NREP: variants seen among roughly 807,000 people sequenced by gnomAD.
NREP encodes neuronal regeneration-related protein.
NREP carries 5 observed loss-of-function variants against 8.6 expected under a neutral mutation model. The observed-to-expected ratio is 0.58, with a 90% CI of 0.30 to 1.22. NREP has a LOEUF of 1.22. Ranked by LOEUF, NREP falls within the 50% of genes most tolerant of loss-of-function variation. The pLI is 0.07. For missense variants in NREP, 86 were observed against 82.5 expected, an observed-to-expected ratio of 1.04 and a Z score of -0.17; for synonymous variants, 27 against 28.0, an observed-to-expected ratio of 0.96 and a Z score of 0.11.
At chr5:111,918,812 G>C (rs552941730) in intron 2 of NREP, among the ~76,000 whole-genome samples, 6 of 151,958 alleles carry the variant, frequency 3.9e-5, no homozygotes, top group Admixed American at 6.6e-5. Flanking sequence ...CAAAGACTTC[G>C]TGACTAAAAC....
intron 2 of NREP, among the ~76,000 whole-genome samples, chr5:111,825,873 G>C (rs1752610911): frequency 6.6e-6 from 1 of 151,990 alleles, no homozygotes; most frequent in Admixed American, 6.6e-5. Flanking sequence ...CTCCCTCAGG[G>C]ACATCTGATG....
chr5:111,923,040 T>C (rs1229660154), intron 2 of NREP, among the ~76,000 whole-genome samples: 2 of 152,182 alleles, frequency 1.3e-5, no homozygotes, highest in Non-Finnish European at 2.9e-5. Context: ...GATAAAAGCC[T>C]ATTAATTTCC....
At chr5:111,790,347 C>CTT (rs57775701) in intron 2 of NREP, among the ~76,000 whole-genome samples, 10 of 59,638 alleles carry the variant, frequency 1.7e-4, no homozygotes, top group East Asian at 6.4e-4. Flanking sequence ...AAAACCTTAA[C>CTT]TTTTTTTTTT....
intron 3 of NREP, chr5:111,734,923 G>T: frequency 2.3e-6 from 1 of 436,492 alleles, no homozygotes; most frequent in South Asian, 6.0e-5. Flanking sequence ...TCTTGAGGCA[G>T]AGAACTGCCA....
chr5:111,757,111 G>A (rs1378433234), intron 1 of NREP, 25 bp downstream of exon 1: 1 of 729,680 alleles, frequency 1.4e-6, no homozygotes, highest in Non-Finnish European at 1.7e-6. Flanking sequence ...GCTCCCAGCC[G>A]GGGATAGGAA....
At chr5:111,788,912 C>T (rs547124475) in intron 2 of NREP, among the ~76,000 whole-genome samples, 17 of 152,302 alleles carry the variant, frequency 1.1e-4, no homozygotes, top group Admixed American at 9.8e-4. Flanking sequence ...AGCTGACCAT[C>T]CCCTGATTAA....
At chr5:111,967,858 G>GT (rs1756689856) in intron 2 of NREP, among the ~76,000 whole-genome samples, 1 of 152,008 alleles carries the variant, frequency 6.6e-6, no homozygotes, top group South Asian at 2.1e-4. Flanking sequence ...CCTCCTGGTT[G>GT]TTTTTTGCTG....
At position 111,863,908 on chromosome 5, in the gene NREP, A is replaced by C. The variant is rs570131882; in HGVS notation, c.135+111366T>G. 2.0e-5 allele frequency among the ~76,000 whole-genome samples: 3 copies of C among 152,226 alleles called. No homozygotes were observed. The East Asian group carries it at 5.8e-4, about 29-fold the overall frequency. ...TCCTCATACCTTGGCAATTAGATCCAACTGCAAGTGTTCCAAGATATATGG... is the reference window on the plus strand; with the variant it reads ...TCCTCATACCTTGGCAATTAGATCCCACTGCAAGTGTTCCAAGATATATGG... On this transcript the variant is annotated intron_variant, in intron 2 of 3. Transcript: ENST00000395634.
chr5:111,864,800 TAAA>T (rs1753629175), intron 2 of NREP, among the ~76,000 whole-genome samples: 1 of 152,122 alleles, frequency 6.6e-6, no homozygotes, highest in Non-Finnish European at 1.5e-5. Flanking sequence ...AAATTTAAAT[TAAA>T]AAAGGAAATT....
At chr5:111,750,564 T>C (rs547199313) in intron 2 of NREP, among the ~76,000 whole-genome samples, 1 of 152,344 alleles carries the variant, frequency 6.6e-6, no homozygotes, top group African/African-American at 2.4e-5. Flanking sequence ...GCTTAATTTC[T>C]ACCTTCTTAA....
intron 2 of NREP, among the ~76,000 whole-genome samples, chr5:111,952,792 GA>G (rs768042663): frequency 2.0e-5 from 3 of 152,100 alleles, no homozygotes; most frequent in Non-Finnish European, 4.4e-5. Context: ...AGTTATGCAA[GA>G]TGTTACCATT....
At chr5:111,923,861 C>G (rs572045445) in intron 2 of NREP, among the ~76,000 whole-genome samples, 85 of 152,034 alleles carry the variant, frequency 5.6e-4, no homozygotes, top group African/African-American at 1.9e-3. Flanking sequence ...GGTTAAAGAC[C>G]CTTTTTGATT....
At chr5:111,856,550 T>G (rs1397571884) in intron 2 of NREP, among the ~76,000 whole-genome samples, 1 of 152,074 alleles carries the variant, frequency 6.6e-6, no homozygotes, top group Admixed American at 6.6e-5. Flanking sequence ...TGTCACCAAA[T>G]CTCCATCTGA....
chr5:111,776,158 A>T (rs1751352054), intron 2 of NREP, among the ~76,000 whole-genome samples: 1 of 152,198 alleles, frequency 6.6e-6, no homozygotes, highest in African/African-American at 2.4e-5. Context: ...CACATTAAAA[A>T]TAAGCATATC....
chr5:111,861,689 T>C (rs1424919524), intron 2 of NREP, among the ~76,000 whole-genome samples: 1 of 152,202 alleles, frequency 6.6e-6, no homozygotes. Flanking sequence ...TAGACTCTAG[T>C]CTGAAATACA....
chr5:111,953,035 T>C (rs558733212), intron 2 of NREP, among the ~76,000 whole-genome samples: 1 of 152,258 alleles, frequency 6.6e-6, no homozygotes, highest in East Asian at 1.9e-4. Context: ...CAAATTATGA[T>C]AGTCTAACCT....
At chr5:111,938,120 T>G (rs973134636) in intron 2 of NREP, among the ~76,000 whole-genome samples, 1 of 151,978 alleles carries the variant, frequency 6.6e-6, no homozygotes, top group Non-Finnish European at 1.5e-5. Context: ...TGACTCCAGC[T>G]TTGGTCTATG....
upstream of NREP, chr5:111,758,154 C>G (rs1581094898): frequency 1.0e-6 from 1 of 985,594 alleles, no homozygotes; most frequent in Non-Finnish European, 1.2e-6. Flanking sequence ...CACTCCCTTC[C>G]GCGGGGAAGC....
At chr5:111,919,977 C>G (rs200453090) in intron 2 of NREP, among the ~76,000 whole-genome samples, 1 of 67,396 alleles carries the variant, frequency 1.5e-5, no homozygotes, top group Admixed American at 1.4e-4. Flanking sequence ...AAGAATACCC[C>G]CCCCCCCCAC....
Sources: allele counts gnomAD v4.1 joint callset (sites outside exome capture counted in the v4.1 genomes callset), GRCh38; gene constraint gnomAD v4.1.1; transcripts MANE v1.5; gene names NCBI Gene and HGNC (gene_info 2026-07-23, HGNC 2026-07-21).